Variants in MACROD2 observed in about 807,000 individuals in gnomAD.
MACROD2 encodes ADP-ribose glycohydrolase MACROD2.
MACROD2 carries 36 observed loss-of-function variants against 70.4 expected under a neutral mutation model. The observed-to-expected ratio is 0.51, with a 90% CI of 0.39 to 0.68. The LOEUF is 0.68. Ranked by LOEUF, MACROD2 falls within the 30% of genes least tolerant of loss-of-function variation. The pLI is 0.00. For missense variants in MACROD2, 496 were observed against 538.4 expected (o/e 0.92, Z 0.78); for synonymous variants, 172 against 178.8 (o/e 0.96, Z 0.30).
chr20:15,396,170 C>T (rs1176111451), intron 6 of MACROD2, among the ~76,000 whole-genome samples: 1 of 152,156 alleles, frequency 6.6e-6, no homozygotes, highest in Non-Finnish European at 1.5e-5. Flanking sequence ...TCCATGACAC[C>T]ATCTAAATCT....
At chr20:15,826,415 T>C (rs2063997805) in intron 8 of MACROD2, among the ~76,000 whole-genome samples, 1 of 152,178 alleles carries the variant, frequency 6.6e-6, no homozygotes, top group South Asian at 2.1e-4. Flanking sequence ...AACTTGGAGG[T>C]TTTAGAAGTT....
At chr20:15,003,193 A>G (rs1461701560) in intron 5 of MACROD2, among the ~76,000 whole-genome samples, 2 of 152,208 alleles carry the variant, frequency 1.3e-5, no homozygotes, top group Non-Finnish European at 2.9e-5. Flanking sequence ...AAATGCTTCT[A>G]AGGGCTGTTT....
At chr20:15,430,705 T>C (rs2046354126) in intron 6 of MACROD2, among the ~76,000 whole-genome samples, 1 of 152,050 alleles carries the variant, frequency 6.6e-6, no homozygotes, top group East Asian at 1.9e-4. Context: ...AAGGGGTACA[T>C]ATTATATAAG....
chr20:15,246,648 A>G (rs1217794412), intron 6 of MACROD2, among the ~76,000 whole-genome samples: 1 of 152,208 alleles, frequency 6.6e-6, no homozygotes, highest in Non-Finnish European at 1.5e-5. Flanking sequence ...TAGTTGTGGA[A>G]AACAGCTTGG....
chr20:15,290,204 C>T (rs1385779927), intron 6 of MACROD2, among the ~76,000 whole-genome samples: 2 of 152,106 alleles, frequency 1.3e-5, no homozygotes, highest in Non-Finnish European at 2.9e-5. Flanking sequence ...TCTCTGGTTG[C>T]TTTTGATTCC....
At chr20:15,463,126 C>T (rs2046840456) in intron 7 of MACROD2, among the ~76,000 whole-genome samples, 1 of 152,104 alleles carries the variant, frequency 6.6e-6, no homozygotes, top group East Asian at 1.9e-4. Context: ...CCAGTGTTCC[C>T]CTGGGAGATC....
At chr20:15,818,254 G>A (rs2063898556) in intron 8 of MACROD2, among the ~76,000 whole-genome samples, 1 of 152,222 alleles carries the variant, frequency 6.6e-6, no homozygotes, top group African/African-American at 2.4e-5. Flanking sequence ...CAGCAGAGCA[G>A]TGGCATGGGC....
rs2082407813 is a variant in MACROD2, at chr20:14,294,031, A to G, written c.272-199448A>G. On this transcript the variant is annotated intron_variant, in intron 3 of 17. Coordinates refer to ENST00000684519, the MANE Select transcript of MACROD2 (RefSeq NM_001351661.2). Reference sequence around the variant, plus strand: ...TCCCAAATCGGGACACATCACTAGAAAGAGGAAGCCCATCAGATTAATGAG... The same window carrying G: ...TCCCAAATCGGGACACATCACTAGAGAGAGGAAGCCCATCAGATTAATGAG... 2.0e-5 allele frequency among the ~76,000 whole-genome samples: 3 copies of G among 151,896 alleles called. No individual in the cohort carries two copies. In the South Asian group the frequency reaches 6.2e-4, roughly 32 times the overall value.
Position 14,413,542 on chromosome 20 carries a change from A to G in MACROD2, c.272-79937A>G, listed in dbSNP as rs933619680. Among the ~76,000 whole-genome samples, 4 of 152,248 alleles carry G rather than the reference A, an allele frequency of 2.6e-5. No homozygotes were observed. In the East Asian group the frequency reaches 5.8e-4, roughly 22 times the overall value. ...TTTTTTGTTGTAATGTTACTCTAAA[A>G]TGTAGAAATATATAATCAGGTATAA... On this transcript the variant is annotated intron_variant, in intron 3 of 17. Coordinates refer to ENST00000684519, the MANE Select transcript of MACROD2 (RefSeq NM_001351661.2).
intron 8 of MACROD2, among the ~76,000 whole-genome samples, chr20:15,519,135 T>C (rs940151536): frequency 7.0e-6 from 1 of 143,134 alleles, no homozygotes; most frequent in Non-Finnish European, 1.5e-5. Flanking sequence ...TTCTTTCTTT[T>C]TCTCTTGCTC....
intron 2 of MACROD2, among the ~76,000 whole-genome samples, chr20:14,064,757 G>A (rs1175033158): frequency 1.3e-5 from 2 of 152,100 alleles, no homozygotes; most frequent in African/African-American, 4.8e-5. Flanking sequence ...GTATTTGGTG[G>A]GCAGCAGCTG....
intron 6 of MACROD2, among the ~76,000 whole-genome samples, chr20:15,353,899 G>A (rs1307582266): frequency 7.8e-6 from 1 of 127,592 alleles, no homozygotes; most frequent in East Asian, 2.5e-4. Flanking sequence ...TACACTGTTG[G>A]TGGGACTGTA....
intron 3 of MACROD2, among the ~76,000 whole-genome samples, chr20:14,379,698 G>A (rs2083404250): frequency 1.3e-5 from 2 of 151,906 alleles, no homozygotes; most frequent in African/African-American, 4.8e-5. Context: ...CATTCAAGTA[G>A]GATCATACAA....
chr20:15,134,295 G>A (rs1173732689), intron 5 of MACROD2, among the ~76,000 whole-genome samples: 9 of 150,538 alleles, frequency 6.0e-5, no homozygotes, highest in South Asian at 2.1e-4. Flanking sequence ...AGGCCGAGGC[G>A]GGCGGATCAC....
chr20:16,039,934 A>G (rs190357874), intron 15 of MACROD2, among the ~76,000 whole-genome samples: 3 of 151,834 alleles, frequency 2.0e-5, no homozygotes, highest in Admixed American at 2.0e-4. Context: ...ATCTACTTTC[A>G]TACTATGAAT....
chr20:14,002,094 A>AT (rs11377371), intron 1 of MACROD2, among the ~76,000 whole-genome samples, 194 bp from the exon 2 acceptor site: 32,782 of 151,936 alleles, frequency 0.22, 4,088 homozygotes, highest in African/African-American at 0.35. Flanking sequence ...TCAGGCTTTG[A>AT]TTTTTTTCTC....
At chr20:16,035,936 A>G (rs1160019811) in intron 15 of MACROD2, among the ~76,000 whole-genome samples, 1 of 151,984 alleles carries the variant, frequency 6.6e-6, no homozygotes, top group East Asian at 1.9e-4. Context: ...CCCATTGGCC[A>G]AAGCAAATTT....
intron 3 of MACROD2, among the ~76,000 whole-genome samples, chr20:14,174,791 T>C (rs1182896590): frequency 6.6e-6 from 1 of 152,204 alleles, no homozygotes; most frequent in African/African-American, 2.4e-5. Context: ...GCCCTTCCCA[T>C]GGACCCCTGT....
intron 5 of MACROD2, among the ~76,000 whole-genome samples, chr20:14,947,627 A>G (rs2074443312): frequency 6.6e-6 from 1 of 152,198 alleles, no homozygotes; most frequent in Admixed American, 6.5e-5. Context: ...ATTAAAACAC[A>G]GATGGCCTAC....
Sources: gnomAD v4.1 joint callset for allele counts (sites outside exome capture counted in the v4.1 genomes callset) on GRCh38, gnomAD v4.1.1 for gene constraint, MANE v1.5 for transcripts, NCBI Gene and HGNC (gene_info 2026-07-23, HGNC 2026-07-21) for gene names.